Variants in ALDH1A1 observed in about 807,000 individuals in gnomAD.
The protein encoded by ALDH1A1 is aldehyde dehydrogenase 1 family member A1, also known as aldehyde dehydrogenase 1A1.
ALDH1A1 carries 19 observed loss-of-function variants against 62.1 expected under a neutral mutation model. The observed-to-expected ratio is 0.31, with a 90% CI of 0.21 to 0.45. The LOEUF is 0.45. Among genes scored for constraint, ALDH1A1 ranks in the 20% least tolerant of loss-of-function variants. The pLI, the probability that ALDH1A1 is intolerant of heterozygous loss-of-function variation, is 1.00. For synonymous variants in ALDH1A1, 231 were observed against 215.9 expected, an observed-to-expected ratio of 1.07 and a Z score of -0.61; for missense variants, 521 against 607.1, an observed-to-expected ratio of 0.86 and a Z score of 1.49.
In ALDH1A1 at chr9:72,927,267, CAAT is replaced by C. The variant is rs1830223591; in HGVS notation, c.443-93_443-91del. On this transcript the variant is annotated intron_variant, in intron 4 of 12. Transcript: ENST00000297785. ...TGGTGATGTGAGAGAAAGGTGTAGA[CAAT>C]AATTTTAAAAACATATATCTGGCCA... is the stretch of plus-strand genomic sequence containing the variant. The C allele has an allele frequency of 5.2e-6, 5 of 954,930 alleles. No homozygotes were observed. The South Asian group carries it at 8.7e-5, about 17-fold the overall frequency. 59.2% of individuals were successfully genotyped at this position (954,930 alleles called of 1,614,324 possible).
Position 72,930,865 on chromosome 9 carries a change from T to A in ALDH1A1, c.312+14A>T. 6.2e-7 allele frequency: 1 copy of A among 1,613,734 alleles called. No homozygotes were observed. Among genetic ancestry groups the A allele is most frequent in the Non-Finnish European group, 8.5e-7 (1 of 1,179,824 alleles). On this transcript the variant is annotated intron_variant, in intron 3 of 12. Coordinates refer to ENST00000297785, the MANE Select transcript of ALDH1A1 (RefSeq NM_000689.5). ...GAGAGCTCTAGCTACCCATCCAGCTTGGATAATACTCACCGCCAGCAGCAG... is the reference window on the plus strand; with the variant it reads ...GAGAGCTCTAGCTACCCATCCAGCTAGGATAATACTCACCGCCAGCAGCAG...
At chr9:72,939,961 A>C (rs371239363) in intron 2 of ALDH1A1, among the ~76,000 whole-genome samples, 187 bp downstream of exon 2, 6 of 145,260 alleles carry the variant, frequency 4.1e-5, no homozygotes, top group Non-Finnish European at 8.9e-5. Context: ...GTTTATCATT[A>C]TTACATAACT....
In ALDH1A1 at chr9:72,916,838, T is replaced by A. The variant is rs573032570; in HGVS notation, c.1035+82A>T. On this transcript the variant is annotated intron_variant, in intron 9 of 12. Transcript: ENST00000297785. ...AGGAAGGTGTGCAGATGGGAAGTAA[T>A]CTTACTCAATAAAATCTAGGTCTAA... 275 of 1,222,096 alleles carry A rather than the reference T, an allele frequency of 2.3e-4. 1 individual carries two copies. The highest frequency in any genetic ancestry group is 1.1e-3 in the Middle Eastern group (5 of 4,432). 75.7% of individuals were successfully genotyped at this position (1,222,096 alleles called of 1,614,324 possible). A position where few individuals can be genotyped will look rare whatever the true frequency, so the allele number is the denominator to read the frequency against.
At chr9:72,939,870 A>G (rs1280064161) in intron 2 of ALDH1A1, among the ~76,000 whole-genome samples, 3 of 152,126 alleles carry the variant, frequency 2.0e-5, no homozygotes, top group African/African-American at 7.2e-5. Context: ...TATAGTCTGT[A>G]AAATAAATCT....
At chr9:72,922,119 A>G (rs1224227922) in intron 7 of ALDH1A1, among the ~76,000 whole-genome samples, 3 of 152,174 alleles carry the variant, frequency 2.0e-5, no homozygotes, top group Non-Finnish European at 4.4e-5. Flanking sequence ...GCGAAATTAA[A>G]AAGTATGGGA....
chr9:72,942,249 A>G (rs1830423016), intron 1 of ALDH1A1: 1 of 950,490 alleles, frequency 1.1e-6, no homozygotes, highest in African/African-American at 1.8e-5. Context: ...CTTACAGCTT[A>G]GTATTTTTCT....
intron 9 of ALDH1A1, among the ~76,000 whole-genome samples, chr9:72,914,577 C>T (rs945900937): frequency 2.0e-5 from 3 of 152,048 alleles, no homozygotes; most frequent in Non-Finnish European, 4.4e-5. Flanking sequence ...ATTTTAGTAT[C>T]GTTTATGTGG....
rs761798347 is a variant in ALDH1A1 at position 72,940,097 on chromosome 9, C to CA, written c.171+50dup. The CA allele has an allele frequency of 2.8e-6, 4 of 1,442,640 alleles. No homozygotes were observed. The East Asian group carries it at 6.8e-5, about 25-fold the overall frequency. The allele number at this position is 1,442,640 out of a possible 1,614,324, so 89.4% of individuals were successfully genotyped here. On this transcript the variant is annotated intron_variant, in intron 2 of 12. Transcript: ENST00000297785. Reference sequence around the variant, plus strand: ...AATGGGGTTCAGGAGCTCAGAATGGCAAAAAACCAAGAAACCTGGCATAAA... The same window carrying CA: ...AATGGGGTTCAGGAGCTCAGAATGGCAAAAAAACCAAGAAACCTGGCATAAA...
chr9:72,929,183 T>C (rs1415750665), intron 3 of ALDH1A1, among the ~76,000 whole-genome samples, 162 bp from the exon 4 acceptor site: 1 of 152,208 alleles, frequency 6.6e-6, no homozygotes, highest in African/African-American at 2.4e-5. Context: ...TGACTTCCTT[T>C]AGGTCAAATA....
intron 7 of ALDH1A1, among the ~76,000 whole-genome samples, chr9:72,922,405 A>G (rs759092409): frequency 6.6e-6 from 1 of 152,108 alleles, no homozygotes; most frequent in Non-Finnish European, 1.5e-5. Context: ...GTTATAGGGG[A>G]TCATGGATGA....
chr9:72,918,921 A>G (rs1830098588), intron 7 of ALDH1A1, 99 bp from the exon 8 acceptor site: 3 of 822,626 alleles, frequency 3.6e-6, no homozygotes, highest in Admixed American at 2.6e-5. Context: ...CCACAGTAAA[A>G]TTTCATTTGG....
intron 11 of ALDH1A1, among the ~76,000 whole-genome samples, chr9:72,908,543 GAAAAGAAAGAAGAAAGAAAGAAAGA>G (rs1829918053): frequency 7.1e-4 from 24 of 33,592 alleles, no homozygotes; most frequent in African/African-American, 1.5e-3. Flanking sequence ...AAGAAAGAAA[GAAAAGAAAGAAGAAAGAAAGAAAGA>G]AAGAAAGAAA....
At chr9:72,942,688 T>C (rs1830429874) in intron 1 of ALDH1A1, among the ~76,000 whole-genome samples, 1 of 152,106 alleles carries the variant, frequency 6.6e-6, no homozygotes, top group Non-Finnish European at 1.5e-5. Context: ...TCCCTCAGTT[T>C]ACCCTTTGTT....
intron 2 of ALDH1A1, among the ~76,000 whole-genome samples, chr9:72,934,593 A>G (rs1265404519): frequency 6.6e-6 from 1 of 152,110 alleles, no homozygotes; most frequent in Non-Finnish European, 1.5e-5. Context: ...CCTTGCCTAG[A>G]ATATTATACC....
chr9:72,915,556 G>A (rs1046908438), intron 9 of ALDH1A1, among the ~76,000 whole-genome samples: 2 of 151,884 alleles, frequency 1.3e-5, no homozygotes. Flanking sequence ...TGAAAAAAAG[G>A]GCAACTACTT....
chr9:72,945,323 T>C (rs1830463072), intron 1 of ALDH1A1, among the ~76,000 whole-genome samples: 1 of 151,868 alleles, frequency 6.6e-6, no homozygotes, highest in African/African-American at 2.4e-5. Context: ...TAAATTAATA[T>C]TATCTCGGCA....
intron 2 of ALDH1A1, among the ~76,000 whole-genome samples, chr9:72,938,667 A>G (rs149180463): frequency 0.09 from 13,696 of 151,826 alleles, 736 homozygotes; most frequent in African/African-American, 0.14. Flanking sequence ...GAATGGTCTC[A>G]ATCTCTTGAC....
intron 7 of ALDH1A1, among the ~76,000 whole-genome samples, chr9:72,921,240 C>CAAAAAA (rs1025687679): frequency 3.8e-5 from 3 of 79,068 alleles, no homozygotes; most frequent in African/African-American, 1.2e-4. Flanking sequence ...CGACTCCTCT[C>CAAAAAA]AAAAAAAAAA....
chr9:72,919,440 C>T (rs1027483613), intron 7 of ALDH1A1, among the ~76,000 whole-genome samples: 2 of 152,162 alleles, frequency 1.3e-5, no homozygotes, highest in Non-Finnish European at 2.9e-5. Context: ...CAGCTCATAT[C>T]TTAGCTTCTC....
Sources: allele counts gnomAD v4.1 joint callset (sites outside exome capture counted in the v4.1 genomes callset), GRCh38; gene constraint gnomAD v4.1.1; transcripts MANE v1.5; gene names NCBI Gene and HGNC (gene_info 2026-07-23, HGNC 2026-07-21).